ADAM17: variants seen among roughly 807,000 people sequenced by gnomAD.
The protein encoded by ADAM17 is ADAM metallopeptidase domain 17.
A neutral mutation model predicts 96.7 loss-of-function variants in ADAM17; 39 were observed. That is an observed-to-expected ratio of 0.40 (90% CI 0.31 to 0.53). The LOEUF (loss-of-function observed/expected upper bound fraction) is 0.53, where lower values mean the gene tolerates loss of function less well. Ranked by LOEUF, ADAM17 falls within the 20% of genes least tolerant of loss-of-function variation. ADAM17 has a pLI of 0.44. For synonymous variants in ADAM17, 344 were observed against 359.2 expected (o/e 0.96, Z 0.48); for missense variants, 777 against 1,013.2 (o/e 0.77, Z 3.17).
Position 9,490,108 on chromosome 2 carries a change from G to A in ADAM17, c.*69C>T. 7.4e-7 allele frequency: 1 copy of A among 1,349,460 alleles called. No homozygotes were observed. The highest frequency in any genetic ancestry group is 1.0e-6 in the Non-Finnish European group (1 of 999,260). 83.6% of individuals were successfully genotyped at this position (1,349,460 alleles called of 1,614,324 possible). On this transcript the variant is annotated 3_prime_UTR_variant, in exon 19 of 19. Coordinates refer to ENST00000310823, the MANE Select transcript of ADAM17 (RefSeq NM_003183.6). The stretch of plus-strand genomic sequence containing the variant: ...TCCCAGTCTTCACAAAATACAAGCT[G>A]TGATTGATTTGTAGGTCAAATCTAT...
chr2:9,541,056 C>T (rs1352930421), intron 2 of ADAM17, among the ~76,000 whole-genome samples: 2 of 152,100 alleles, frequency 1.3e-5, no homozygotes, highest in Non-Finnish European at 2.9e-5. Context: ...AACACCTCAT[C>T]AAGGTACACA....
intron 8 of ADAM17, among the ~76,000 whole-genome samples, chr2:9,518,885 A>T (rs747629551): frequency 8.1e-5 from 9 of 111,652 alleles, no homozygotes; most frequent in Non-Finnish European, 1.3e-4. Flanking sequence ...AAGTTTAAAA[A>T]AACCTTAATT....
chr2:9,518,359 T>C, intron 8 of ADAM17, 112 bp from the exon 9 acceptor site: 2 of 1,279,300 alleles, frequency 1.6e-6, no homozygotes, highest in East Asian at 2.7e-5. Context: ...AGAACTATGA[T>C]GGCATGCAGC....
intron 2 of ADAM17, among the ~76,000 whole-genome samples, chr2:9,540,115 A>C (rs989946252): frequency 6.6e-6 from 1 of 152,228 alleles, no homozygotes; most frequent in Non-Finnish European, 1.5e-5. Context: ...AAGGCTATGG[A>C]AGTTTTTGCC....
In ADAM17 at chr2:9,518,182, T is replaced by C. The variant is rs573469509; in HGVS notation, c.1023A>G (p.Gln341=). The part of the protein sequence containing the change: ...KVCLAHLFTY[Q]DFDMGTLGLA... ...ATCCAAGAGTTCCCATATCAAAATC[T>C]TGGTATGTGAAAAGGTGTGCCAAGC... Residue 341 remains glutamine, a synonymous_variant, in exon 9 of 19, where the codon CAA becomes CAG. Coordinates refer to ENST00000310823, the MANE Select transcript of ADAM17 (RefSeq NM_003183.6). The C allele has an allele frequency of 1.2e-6, 2 of 1,606,870 alleles. No homozygotes were observed. Among genetic ancestry groups the C allele is most frequent in the Admixed American group, 1.7e-5 (1 of 58,602 alleles).
At chr2:9,526,451 C>G (rs1190042371) in intron 5 of ADAM17, among the ~76,000 whole-genome samples, 2 of 152,074 alleles carry the variant, frequency 1.3e-5, no homozygotes, top group East Asian at 3.8e-4. Context: ...AATTCAAAAC[C>G]AAGGACAAGT....
In ADAM17 at chr2:9,497,268, A is replaced by G. The variant is rs778380407; in HGVS notation, c.1649-20T>C. On this transcript the variant is annotated intron_variant, in intron 13 of 18. Transcript: ENST00000310823. Reference sequence around the variant, plus strand: ...TATTACCTGGAAGCAAACACCAGTCATAACAAAAAGAATGAGTCACAGGTC... The same window carrying G: ...TATTACCTGGAAGCAAACACCAGTCGTAACAAAAAGAATGAGTCACAGGTC... 5 of 1,613,436 alleles carry G rather than the reference A, an allele frequency of 3.1e-6. No homozygotes were observed. Among genetic ancestry groups the G allele is most frequent in the East Asian group, 4.5e-5 (2 of 44,890 alleles).
intron 1 of ADAM17, among the ~76,000 whole-genome samples, chr2:9,544,435 G>C (rs1378132898): frequency 6.6e-6 from 1 of 152,208 alleles, no homozygotes; most frequent in African/African-American, 2.4e-5. Flanking sequence ...TGAGGCAGGA[G>C]AATCGCTTGA....
chr2:9,489,259 A>ATTTTTTTT lies in ADAM17; in HGVS notation c.*910_*917dup, dbSNP rs34525911. 231 of 87,378 alleles carry ATTTTTTTT rather than the reference A, an allele frequency of 2.6e-3. 24 individuals carry two copies. The highest frequency in any genetic ancestry group is 0.015 in the African/African-American group (226 of 15,510). 5.4% of individuals were successfully genotyped at this position (87,378 alleles called of 1,614,324 possible). A position where few individuals can be genotyped will look rare whatever the true frequency, so the allele number is the denominator to read the frequency against. On this transcript the variant is annotated 3_prime_UTR_variant, in exon 19 of 19. Transcript: ENST00000310823. ...AATATTCTAGGTTTGTAGATAGTGAATTTTTTTTTTTTTTTTTTTTTTTTG... is the reference window on the plus strand; with the variant it reads ...AATATTCTAGGTTTGTAGATAGTGAATTTTTTTTTTTTTTTTTTTTTTTTTTTTTTTTG...
rs567176763 is a variant in ADAM17 at position 9,526,334 on chromosome 2, C to G, written c.620-90G>C. ...CTTTAAATCTAACATATTTTTGAAA[C>G]AAACATTATGTGAGCTTAATATCAC... On this transcript the variant is annotated intron_variant, in intron 5 of 18. Transcript: ENST00000310823. The G allele has an allele frequency of 2.9e-6, 4 of 1,361,052 alleles. No homozygotes were observed. In the East Asian group the frequency reaches 7.1e-5, roughly 24 times the overall value. 84.3% of individuals were successfully genotyped at this position (1,361,052 alleles called of 1,614,324 possible).
chr2:9,524,690 C>A (rs566509924), intron 6 of ADAM17, among the ~76,000 whole-genome samples: 1 of 152,320 alleles, frequency 6.6e-6, no homozygotes, highest in South Asian at 2.1e-4. Context: ...CCCCCACTCT[C>A]ACCCCAAAAA....
chr2:9,509,827 A>T, intron 11 of ADAM17, 152 bp downstream of exon 11: 1 of 1,021,468 alleles, frequency 9.8e-7, no homozygotes, highest in Non-Finnish European at 1.4e-6. Context: ...GCTTCACCCC[A>T]AAACACACAA....
intron 5 of ADAM17, 50 bp from the exon 6 acceptor site, chr2:9,526,294 A>T: frequency 6.4e-7 from 1 of 1,566,338 alleles, no homozygotes. Context: ...CAAAACAAGG[A>T]GTTTTATGGT....
At chr2:9,538,327 A>G (rs1665073634) in intron 2 of ADAM17, among the ~76,000 whole-genome samples, 2 of 152,212 alleles carry the variant, frequency 1.3e-5, no homozygotes, top group Admixed American at 6.5e-5. Context: ...ACCGGAAAGA[A>G]ATCTAGACTG....
Position 9,555,629 on chromosome 2 carries a change from C to T in ADAM17, c.-24G>A. 6.5e-7 allele frequency: 1 copy of T among 1,541,258 alleles called. No homozygotes were observed. The highest frequency in any genetic ancestry group is 2.5e-5 in the East Asian group (1 of 40,752). ...ATGTTCCCGGCCCCGCTACCGACTC[C>T]ACCTCTCTGGGCAGCCTTCGCCTGA... On this transcript the variant is annotated 5_prime_UTR_variant, in exon 1 of 19. Transcript: ENST00000310823.
Position 9,492,898 on chromosome 2 carries a change from C to A in ADAM17, c.2082G>T (p.Val694=). 6.2e-7 allele frequency: 1 copy of A among 1,606,590 alleles called. No homozygotes were observed. ...WIPFSILVHC[V]DKKLDKQYES... Reference sequence around the variant, plus strand: ...AATTACTTAAAAGTTGATGACTTACCACACAATGGACAAGAATGCTGAAAG... The same window carrying A: ...AATTACTTAAAAGTTGATGACTTACAACACAATGGACAAGAATGCTGAAAG... Residue 694 remains valine, a splice_region_variant and synonymous_variant, in exon 17 of 19, where the codon GTG becomes GTT. Coordinates refer to ENST00000310823, the MANE Select transcript of ADAM17 (RefSeq NM_003183.6).
In ADAM17 at chr2:9,497,098, G is replaced by A. The variant is rs1162267981; in HGVS notation, c.1783+16C>T. 5 of 1,612,102 alleles carry A rather than the reference G, an allele frequency of 3.1e-6. No individual in the cohort carries two copies. In the South Asian group the frequency reaches 5.5e-5, roughly 18 times the overall value. On this transcript the variant is annotated intron_variant, in intron 14 of 18. Coordinates refer to ENST00000310823, the MANE Select transcript of ADAM17 (RefSeq NM_003183.6). The stretch of plus-strand genomic sequence containing the variant: ...ATGTTTTCTCCTGCTGCTGGACTGG[G>A]AATAAAACTGCTCACCATTACATGC...
intron 1 of ADAM17, among the ~76,000 whole-genome samples, chr2:9,549,164 A>G (rs1665506806): frequency 6.6e-6 from 1 of 152,166 alleles, no homozygotes; most frequent in Non-Finnish European, 1.5e-5. Flanking sequence ...CAAGGGTGGG[A>G]GTTCAAGACC....
chr2:9,553,375 T>TAA (rs200719956), intron 1 of ADAM17, among the ~76,000 whole-genome samples: 12 of 150,652 alleles, frequency 8.0e-5, no homozygotes, highest in African/African-American at 3.0e-4. Flanking sequence ...AATATTTCGT[T>TAA]TAAAAAAAAA....
Sources: gnomAD v4.1 joint callset for allele counts (sites outside exome capture counted in the v4.1 genomes callset) on GRCh38, gnomAD v4.1.1 for gene constraint, MANE v1.5 for transcripts, NCBI Gene and HGNC (gene_info 2026-07-23, HGNC 2026-07-21) for gene names.